The following IFI44L variants were observed in gnomAD, a reference collection of about 807,000 sequenced individuals.
The protein encoded by IFI44L is interferon induced protein 44 like, also known as interferon-induced protein 44-like.
A neutral mutation model predicts 39.3 loss-of-function variants in IFI44L; 40 were observed. The ratio of observed to expected loss-of-function variants is 1.02; its 90% confidence interval spans 0.79 to 1.33. The LOEUF is 1.33. Ranked by LOEUF, IFI44L falls within the 40% of genes most tolerant of loss-of-function variation. The probability of loss-of-function intolerance (pLI) is 0.00; values close to 1 mark genes in which losing one functional copy is unlikely to be tolerated. For synonymous variants in IFI44L, 198 were observed against 182.3 expected (o/e 1.09, Z -0.69); for missense variants, 623 against 549.0 (o/e 1.13, Z -1.35).
chr1:78,631,161 A>T (rs1432461358), intron 4 of IFI44L, among the ~76,000 whole-genome samples: 2 of 152,160 alleles, frequency 1.3e-5, no homozygotes, highest in East Asian at 3.8e-4. Flanking sequence ...TTGAAGAAAT[A>T]TAGGGCAGAC....
chr1:78,638,675 G>T (rs1227330140), intron 6 of IFI44L, among the ~76,000 whole-genome samples: 1 of 151,828 alleles, frequency 6.6e-6, no homozygotes, highest in African/African-American at 2.4e-5. Context: ...TCTTTTTCAG[G>T]TCTTCTATTT....
chr1:78,637,005 G>A (rs1652972557), intron 5 of IFI44L, 27 bp from the exon 6 acceptor site: 1 of 1,568,404 alleles, frequency 6.4e-7, no homozygotes, highest in African/African-American at 1.4e-5. Flanking sequence ...TCTGATTTCT[G>A]AATGTTACCT....
intron 5 of IFI44L, among the ~76,000 whole-genome samples, chr1:78,636,207 C>A (rs1003420845): frequency 4.6e-5 from 7 of 152,096 alleles, no homozygotes; most frequent in African/African-American, 1.7e-4. Flanking sequence ...CAAAAACCAT[C>A]TATTATAAAC....
rs1304417611 is a variant in IFI44L, at chr1:78,620,577, C to T, written c.-11+6C>T. The T allele has an allele frequency of 2.0e-5, 3 of 152,040 alleles. No homozygotes were observed. The highest frequency in any genetic ancestry group is 4.8e-5 in the African/African-American group (2 of 41,388). 9.4% of individuals were successfully genotyped at this position (152,040 alleles called of 1,614,324 possible). A position where few individuals can be genotyped will look rare whatever the true frequency, so the allele number is the denominator to read the frequency against. On this transcript the variant is annotated splice_donor_region_variant and intron_variant, in intron 1 of 8. Transcript: ENST00000370751. ...GATCTAACCCCTAGAAACAGGTAAGCGACTTTTTAATTGAAACATAGTATT... is the reference window on the plus strand; with the variant it reads ...GATCTAACCCCTAGAAACAGGTAAGTGACTTTTTAATTGAAACATAGTATT...
chr1:78,621,875 A>G (rs1652289462), intron 1 of IFI44L, among the ~76,000 whole-genome samples: 2 of 152,090 alleles, frequency 1.3e-5, no homozygotes, highest in African/African-American at 4.8e-5. Flanking sequence ...TGTAATGATC[A>G]AGTCAGGGTA....
intron 5 of IFI44L, chr1:78,635,763 A>T (rs1051413352): frequency 1.9e-5 from 8 of 413,754 alleles, no homozygotes; most frequent in Non-Finnish European, 3.5e-5. Flanking sequence ...CACTCTTTAC[A>T]ATAATGTAAA....
intron 3 of IFI44L, among the ~76,000 whole-genome samples, chr1:78,629,339 A>G (rs1652626168): frequency 6.6e-6 from 1 of 152,164 alleles, no homozygotes; most frequent in Non-Finnish European, 1.5e-5. Context: ...TTTTAAATTT[A>G]TAGATAGCTA....
intron 4 of IFI44L, chr1:78,630,118 G>T (rs1277877732): frequency 1.7e-5 from 9 of 522,730 alleles, no homozygotes; most frequent in Admixed American, 3.6e-5. Context: ...GGAAGAAGCA[G>T]TTATATAAAG....
chr1:78,637,716 G>C (rs1302200167), intron 6 of IFI44L, among the ~76,000 whole-genome samples: 1 of 151,980 alleles, frequency 6.6e-6, no homozygotes, highest in Non-Finnish European at 1.5e-5. Flanking sequence ...GAATCATACA[G>C]TATGTCACCT....
chr1:78,630,006 T>C lies in IFI44L; in HGVS notation c.723+91T>C, dbSNP rs758434368. The C allele has an allele frequency of 2.7e-6, 3 of 1,131,884 alleles. No individual in the cohort carries two copies. The Admixed American group carries it at 5.7e-5, about 22-fold the overall frequency. 70.1% of individuals were successfully genotyped at this position (1,131,884 alleles called of 1,614,324 possible). ...TTTTTCTCTTAGGGCAATCCTAATA[T>C]ACAATTAAATGCTAAATCAAATGGA... On this transcript the variant is annotated intron_variant, in intron 4 of 8. Coordinates refer to ENST00000370751, the MANE Select transcript of IFI44L (RefSeq NM_006820.4).
chr1:78,642,199 G>C lies in IFI44L; in HGVS notation c.*390G>C, dbSNP rs1646995038. On this transcript the variant is annotated 3_prime_UTR_variant, in exon 9 of 9. Coordinates refer to ENST00000370751, the MANE Select transcript of IFI44L (RefSeq NM_006820.4). ...TTCTTAAACAGATTGTGAGTTCTTT[G>C]AGAAACAGCGTGGATTTTACTTATC... The C allele has an allele frequency of 4.8e-6, 1 of 209,154 alleles. No homozygotes were observed. Among genetic ancestry groups the C allele is most frequent in the Non-Finnish European group, 9.7e-6 (1 of 102,830 alleles). The allele number at this position is 209,154 out of a possible 1,614,324, so 13.0% of individuals were successfully genotyped here. A position where few individuals can be genotyped will look rare whatever the true frequency, so the allele number is the denominator to read the frequency against.
At chr1:78,635,582 T>TAGTTTC in intron 5 of IFI44L, 93 bp downstream of exon 5, 1 of 1,147,032 alleles carries the variant, frequency 8.7e-7, no homozygotes, top group Non-Finnish European at 1.3e-6. Flanking sequence ...TCAACTCCCA[T>TAGTTTC]AATGTGGTTT....
Position 78,628,314 on chromosome 1 carries a change from T to C in IFI44L, c.399T>C (p.Asp133=), listed in dbSNP as rs760904075. 2 of 1,603,550 alleles carry C rather than the reference T, an allele frequency of 1.2e-6. No individual in the cohort carries two copies. Among genetic ancestry groups the C allele is most frequent in the Non-Finnish European group, 1.7e-6 (2 of 1,174,536 alleles). The stretch of plus-strand genomic sequence containing the variant: ...GTCGAGATAATAAAATTTATCTAGA[T>C]AAAATGATAACAAGAAACTTGAAAC... ...IICRDNKIYL[D]KMITRNLKLR... The change falls in exon 2 of 9, where the codon GAT becomes GAC. Residue 133 remains aspartate (D), a synonymous_variant. Coordinates refer to ENST00000370751, the MANE Select transcript of IFI44L (RefSeq NM_006820.4).
chr1:78,641,005 T>C lies in IFI44L; in HGVS notation c.1049-16T>C. 6.5e-7 allele frequency: 1 copy of C among 1,548,232 alleles called. No homozygotes were observed. Among genetic ancestry groups the C allele is most frequent in the Non-Finnish European group, 8.9e-7 (1 of 1,121,812 alleles). On this transcript the variant is annotated splice_polypyrimidine_tract_variant and intron_variant, in intron 6 of 8. Coordinates refer to ENST00000370751, the MANE Select transcript of IFI44L (RefSeq NM_006820.4). Reference sequence around the variant, plus strand: ...TATTTATGATATAAAATAACTGATTTATCTATTTGATATAGGTATAGCATA... The same window carrying C: ...TATTTATGATATAAAATAACTGATTCATCTATTTGATATAGGTATAGCATA...
At chr1:78,637,719 T>A (rs573198236) in intron 6 of IFI44L, among the ~76,000 whole-genome samples, 6 of 152,158 alleles carry the variant, frequency 3.9e-5, no homozygotes, top group African/African-American at 1.4e-4. Context: ...TCATACAGTA[T>A]GTCACCTTTT....
intron 4 of IFI44L, among the ~76,000 whole-genome samples, chr1:78,631,182 G>A (rs969265741): frequency 1.3e-5 from 2 of 152,034 alleles, no homozygotes; most frequent in African/African-American, 4.8e-5. Flanking sequence ...TTTTATGAGG[G>A]AAATTGAATA....
rs1161158767 is a variant in IFI44L at position 78,642,993 on chromosome 1, T to C, written c.*1184T>C. 2 of 152,046 alleles carry C rather than the reference T, an allele frequency of 1.3e-5. No homozygotes were observed. Among genetic ancestry groups the C allele is most frequent in the African/African-American group, 4.8e-5 (2 of 41,444 alleles). 9.4% of individuals were successfully genotyped at this position (152,046 alleles called of 1,614,324 possible). ...TTCCCAAAAGATAGCTTTCACTTTT[T>C]TTTTTCCTTAAAGACTTCCTAATTC... On this transcript the variant is annotated 3_prime_UTR_variant, in exon 9 of 9. Coordinates refer to ENST00000370751, the MANE Select transcript of IFI44L (RefSeq NM_006820.4).
In IFI44L at chr1:78,641,784, A is replaced by AGAGAGCGTTACAGCCCTGCATTT; in HGVS notation, c.1339_*2dup. 1 of 1,613,714 alleles carries AGAGAGCGTTACAGCCCTGCATTT rather than the reference A, an allele frequency of 6.2e-7. No individual in the cohort carries two copies. Among genetic ancestry groups the AGAGAGCGTTACAGCCCTGCATTT allele is most frequent in the Non-Finnish European group, 8.5e-7 (1 of 1,179,676 alleles). The stretch of plus-strand genomic sequence containing the variant: ...TTTGTTTCATTTTCAGGTGCAATTG[A>AGAGAGCGTTACAGCCCTGCATTT]GAGAGCGTTACAGCCCTGCATTTGA... On this transcript the variant is annotated frameshift_variant, in exon 9 of 9. Transcript: ENST00000370751. LOFTEE classifies it low-confidence loss of function (END_TRUNC).
At chr1:78,636,936 G>T in intron 5 of IFI44L, 96 bp from the exon 6 acceptor site, 1 of 860,454 alleles carries the variant, frequency 1.2e-6, no homozygotes, top group Non-Finnish European at 1.8e-6. Context: ...GAAAGAGGGA[G>T]ATCAGTAGTT....
Sources: gnomAD v4.1 joint callset for allele counts (sites outside exome capture counted in the v4.1 genomes callset) on GRCh38, gnomAD v4.1.1 for gene constraint, MANE v1.5 for transcripts, NCBI Gene and HGNC (gene_info 2026-07-23, HGNC 2026-07-21) for gene names.